DENND4C: variants seen among roughly 807,000 people sequenced by gnomAD.
DENND4C encodes the protein DENN domain containing 4C.
A neutral mutation model predicts 203.0 loss-of-function variants in DENND4C; 108 were observed. That is an observed-to-expected ratio of 0.53 (90% CI 0.46 to 0.62). The LOEUF is 0.62. Ranked by LOEUF, DENND4C falls within the 20% of genes least tolerant of loss-of-function variation. The pLI is 0.00. For synonymous variants in DENND4C, 871 were observed against 792.4 expected, an observed-to-expected ratio of 1.10 and a Z score of -1.67; for missense variants, 2,481 against 2,301.2, an observed-to-expected ratio of 1.08 and a Z score of -1.60.
intron 1 of DENND4C, among the ~76,000 whole-genome samples, chr9:19,253,358 C>A (rs1045324710): frequency 2.0e-5 from 3 of 152,174 alleles, no homozygotes; most frequent in African/African-American, 7.2e-5. Flanking sequence ...TATTTGCATC[C>A]CTTCTTTATA....
Position 19,336,680 on chromosome 9 carries a change from C to G in DENND4C, c.2735-6C>G. On this transcript the variant is annotated splice_region_variant and splice_polypyrimidine_tract_variant and intron_variant, in intron 19 of 32. Transcript: ENST00000434457. ...GTTATTGAACTGCTATTGTCCTTATCTTTAGCTCTTCAAAATGTCACAGGT... is the reference window on the plus strand; with the variant it reads ...GTTATTGAACTGCTATTGTCCTTATGTTTAGCTCTTCAAAATGTCACAGGT... The G allele has an allele frequency of 6.5e-7, 1 of 1,550,324 alleles. No individual in the cohort carries two copies. The highest frequency in any genetic ancestry group is 1.2e-5 in the South Asian group (1 of 83,920).
intron 1 of DENND4C, among the ~76,000 whole-genome samples, chr9:19,247,992 C>G (rs1048834519): frequency 3.9e-5 from 6 of 152,130 alleles, no homozygotes; most frequent in African/African-American, 1.2e-4. Flanking sequence ...TTTTTATTAT[C>G]TCTTTTCTGG....
chr9:19,274,931 G>A (rs1006089842), intron 1 of DENND4C, among the ~76,000 whole-genome samples: 1 of 152,184 alleles, frequency 6.6e-6, no homozygotes, highest in Non-Finnish European at 1.5e-5. Flanking sequence ...TGTTCATTAA[G>A]TACATTTTGC....
intron 1 of DENND4C, among the ~76,000 whole-genome samples, chr9:19,244,145 C>T (rs1180153271): frequency 6.6e-6 from 1 of 152,184 alleles, no homozygotes; most frequent in Non-Finnish European, 1.5e-5. Flanking sequence ...ATTCTCCTGC[C>T]TCAGCCTCCT....
chr9:19,298,924 T>C (rs1164885528), intron 7 of DENND4C, among the ~76,000 whole-genome samples: 1 of 152,160 alleles, frequency 6.6e-6, no homozygotes, highest in African/African-American at 2.4e-5. Context: ...GTAAATGAAT[T>C]TGAAGCTTTT....
At chr9:19,334,891 T>C (rs1820088208) in intron 17 of DENND4C, 86 bp from the exon 18 acceptor site, 1 of 1,308,504 alleles carries the variant, frequency 7.6e-7, no homozygotes, top group Admixed American at 2.5e-5. Flanking sequence ...GCTTAATAAC[T>C]TCATGGAAAG....
At chr9:19,262,885 T>TA (rs1829713875) in intron 1 of DENND4C, among the ~76,000 whole-genome samples, 1 of 152,210 alleles carries the variant, frequency 6.6e-6, no homozygotes, top group Non-Finnish European at 1.5e-5. Flanking sequence ...CATTTATAAA[T>TA]AAGAGTAATT....
chr9:19,353,787 G>A (rs996043978), intron 26 of DENND4C, among the ~76,000 whole-genome samples: 2 of 151,882 alleles, frequency 1.3e-5, no homozygotes, highest in Non-Finnish European at 2.9e-5. Flanking sequence ...TACAAAAAAG[G>A]TTAGCCCGAC....
intron 5 of DENND4C, 126 bp downstream of exon 5, chr9:19,291,002 T>C (rs1836179926): frequency 2.2e-6 from 2 of 910,090 alleles, no homozygotes; most frequent in African/African-American, 3.4e-5. Context: ...AAATTTACAC[T>C]GTCATCCCCA....
At chr9:19,334,890 C>A (rs918040814) in intron 17 of DENND4C, 87 bp from the exon 18 acceptor site, 92 of 1,299,282 alleles carry the variant, frequency 7.1e-5, no homozygotes, top group Non-Finnish European at 9.4e-5. Context: ...TGCTTAATAA[C>A]TTCATGGAAA....
rs199679956 is a variant in DENND4C, at chr9:19,271,200, T to TC, written c.-17-4957dup. Among the ~76,000 whole-genome samples, 461 of 135,524 alleles carry TC rather than the reference T, an allele frequency of 3.4e-3. 7 individuals are homozygous for TC. Among genetic ancestry groups the TC allele is most frequent in the East Asian group, 8.5e-3 (34 of 4,016 alleles). 88.9% of individuals were successfully genotyped at this position (135,524 alleles called of 152,430 possible). ...TTTTTAGGTAAAAATTAATATGGAT[T>TC]CTTTTTTTTTTTTTTTTTTGAGACA... On this transcript the variant is annotated intron_variant, in intron 1 of 32. Coordinates refer to ENST00000434457, the MANE Select transcript of DENND4C (RefSeq NM_001330640.2).
intron 23 of DENND4C, among the ~76,000 whole-genome samples, chr9:19,347,898 G>A (rs940422095): frequency 6.6e-6 from 1 of 152,020 alleles, no homozygotes; most frequent in African/African-American, 2.4e-5. Flanking sequence ...AAAAATAATT[G>A]TCTTTAAAAA....
At chr9:19,345,647 C>T (rs1822711764) in intron 22 of DENND4C, among the ~76,000 whole-genome samples, 1 of 152,096 alleles carries the variant, frequency 6.6e-6, no homozygotes, top group African/African-American at 2.4e-5. Context: ...ACAGGTATAT[C>T]CATCTATCAT....
In DENND4C at chr9:19,332,467, G is replaced by A. The variant is rs543055358; in HGVS notation, c.2460+283G>A. 1.1e-3 allele frequency among the ~76,000 whole-genome samples: 167 copies of A among 150,404 alleles called. 1 individual carries two copies. The highest frequency in any genetic ancestry group is 3.6e-3 in the Middle Eastern group (1 of 280). On this transcript the variant is annotated intron_variant, in intron 17 of 32. Coordinates refer to ENST00000434457, the MANE Select transcript of DENND4C (RefSeq NM_001330640.2). ...TGCCTCCCGGGTTCAGACAGTTCTT[G>A]TGCCTCCCGAGTAGCTGGAATTACA...
intron 28 of DENND4C, among the ~76,000 whole-genome samples, chr9:19,359,735 G>T (rs983390470): frequency 2.0e-5 from 3 of 148,922 alleles, no homozygotes; most frequent in African/African-American, 7.8e-5. Context: ...CAAAGTCTAG[G>T]TTGGGTCTTT....
At chr9:19,287,577 C>G (rs537054708) in intron 3 of DENND4C, among the ~76,000 whole-genome samples, 6 of 152,130 alleles carry the variant, frequency 3.9e-5, no homozygotes, top group African/African-American at 1.4e-4. Flanking sequence ...GAACTCTTGA[C>G]CTTAAGTGAT....
chr9:19,346,573 T>A lies in DENND4C; in HGVS notation c.3804T>A (p.Ser1268=). ...GTACAGGAGGAAAAACTCCTGATTCTGAAGATAAGTTGTTTTCTCCAGTTA... is the reference window on the plus strand; with the variant it reads ...GTACAGGAGGAAAAACTCCTGATTCAGAAGATAAGTTGTTTTCTCCAGTTA... ...TECTGGKTPD[S]EDKLFSPVIA... is the part of the protein sequence containing the mutation. The change falls in exon 23 of 33, where the codon TCT becomes TCA. Residue 1268 remains serine, a synonymous_variant. Transcript: ENST00000434457. The A allele has an allele frequency of 1.2e-6, 2 of 1,614,210 alleles. No individual in the cohort carries two copies. Among genetic ancestry groups the A allele is most frequent in the Non-Finnish European group, 1.7e-6 (2 of 1,180,044 alleles).
At chr9:19,355,985 CATTTT>C (rs1477868212) in intron 26 of DENND4C, among the ~76,000 whole-genome samples, 3 of 152,046 alleles carry the variant, frequency 2.0e-5, no homozygotes, top group South Asian at 2.1e-4. Context: ...TCGTGACAAG[CATTTT>C]ATTTTATATT....
intron 10 of DENND4C, among the ~76,000 whole-genome samples, chr9:19,314,683 A>G (rs1841433488): frequency 6.6e-6 from 1 of 152,226 alleles, no homozygotes; most frequent in Admixed American, 6.5e-5. Context: ...CTGAGTGCTA[A>G]AGAAAAATAA....
Sources: allele counts gnomAD v4.1 joint callset (sites outside exome capture counted in the v4.1 genomes callset), GRCh38; gene constraint gnomAD v4.1.1; transcripts MANE v1.5; gene names NCBI Gene and HGNC (gene_info 2026-07-23, HGNC 2026-07-21).